The following FBLN1 variants were observed in gnomAD, a reference collection of about 807,000 sequenced individuals.
FBLN1 encodes the protein fibulin-1.
A neutral mutation model predicts 89.7 loss-of-function variants in FBLN1; 34 were observed. That is an observed-to-expected ratio of 0.38 (90% CI 0.29 to 0.50). The LOEUF is 0.50. FBLN1 is among the 20% of genes least tolerant of loss of function. FBLN1 has a pLI of 0.92. For missense variants in FBLN1, 777 were observed against 988.1 expected (o/e 0.79, Z 2.86); for synonymous variants, 393 against 391.3 (o/e 1.00, Z -0.05).
intron 16 of FBLN1, among the ~76,000 whole-genome samples, chr22:45,589,035 C>A (rs1388483234): frequency 1.3e-5 from 2 of 150,010 alleles, no homozygotes; most frequent in African/African-American, 2.4e-5. Context: ...TGTGGTGTGC[C>A]AGGCACTCTT....
intron 14 of FBLN1, among the ~76,000 whole-genome samples, chr22:45,554,959 C>A (rs1602205234): frequency 6.6e-6 from 1 of 151,850 alleles, no homozygotes; most frequent in South Asian, 2.1e-4. Flanking sequence ...AATCTGTGCT[C>A]ATCCTATACA....
chr22:45,567,924 G>T (rs894241573), intron 14 of FBLN1, among the ~76,000 whole-genome samples: 2 of 152,150 alleles, frequency 1.3e-5, no homozygotes, highest in African/African-American at 4.8e-5. Flanking sequence ...CCTCACTCCA[G>T]GGGCCAGAGT....
intron 14 of FBLN1, among the ~76,000 whole-genome samples, chr22:45,551,363 G>A (rs912098529): frequency 5.9e-5 from 9 of 152,268 alleles, no homozygotes; most frequent in African/African-American, 2.2e-4. Context: ...CAGGCAGCCA[G>A]CTGTTTCCGA....
chr22:45,590,788 G>T lies in FBLN1; in HGVS notation c.1973-9519G>T, dbSNP rs1393558421. ...GGCGACTCCAAGTTCCTGGCTTGGG[G>T]GTACCTGCCTGGAGAGTGAGGGGTA... On this transcript the variant is annotated intron_variant, in intron 16 of 16. Transcript: ENST00000327858. This position sits in a 1 kb window ranked among gnomAD's most constrained non-coding sequence, Gnocchi z 4.1. Among the ~76,000 whole-genome samples, 4 of 152,142 alleles carry T rather than the reference G, an allele frequency of 2.6e-5. No individual in the cohort carries two copies. The highest frequency in any genetic ancestry group is 5.9e-5 in the Non-Finnish European group (4 of 68,012).
At chr22:45,515,356 C>T (rs759154465) in intron 1 of FBLN1, among the ~76,000 whole-genome samples, 22 of 152,234 alleles carry the variant, frequency 1.4e-4, no homozygotes, top group Admixed American at 4.6e-4. Context: ...AGCCCCCAGA[C>T]AGCCCTGCTT....
intron 16 of FBLN1, among the ~76,000 whole-genome samples, chr22:45,592,156 GAGA>G (rs571715996): frequency 8.5e-5 from 13 of 152,280 alleles, no homozygotes; most frequent in African/African-American, 2.9e-4. Context: ...TTCTCCCCAG[GAGA>G]AGGAGGGCGA....
At chr22:45,505,534 CCT>C (rs2088007658) in intron 1 of FBLN1, among the ~76,000 whole-genome samples, 1 of 152,200 alleles carries the variant, frequency 6.6e-6, no homozygotes, top group Admixed American at 6.5e-5. Flanking sequence ...ATTTGCCACC[CCT>C]GTTAGGTGTG....
In FBLN1 at chr22:45,532,602, G is replaced by A. The variant is rs879021113; in HGVS notation, c.545-461G>A. ...GGCTATGCAGAAAGACCAGGTAGGA[G>A]GCTGTGGCCACAGCCAGGTGGGCAG... On this transcript the variant is annotated intron_variant, in intron 5 of 16. Transcript: ENST00000327858. This position sits in a 1 kb window ranked among gnomAD's most constrained non-coding sequence, Gnocchi z 4.2. 6.6e-6 allele frequency among the ~76,000 whole-genome samples: 1 copy of A among 152,142 alleles called. No individual in the cohort carries two copies. The highest frequency in any genetic ancestry group is 1.9e-4 in the East Asian group (1 of 5,188).
Position 45,588,139 on chromosome 22 carries a change from T to G in FBLN1, c.1972+11031T>G, listed in dbSNP as rs554922315. ...GGCTGTGCAGAGCAGGGGAGGGGAG[T>G]GGGAGGCGGGGTGCAGCATGGCGGT... On this transcript the variant is annotated intron_variant, in intron 16 of 16. Transcript: ENST00000327858. This position sits in a 1 kb window ranked among gnomAD's most constrained non-coding sequence, Gnocchi z 5.1. Among the ~76,000 whole-genome samples, 2 of 149,870 alleles carry G rather than the reference T, an allele frequency of 1.3e-5. No individual in the cohort carries two copies. Among genetic ancestry groups the G allele is most frequent in the Non-Finnish European group, 3.0e-5 (2 of 67,564 alleles).
chr22:45,553,673 A>G (rs2088735605), intron 14 of FBLN1, among the ~76,000 whole-genome samples: 1 of 152,184 alleles, frequency 6.6e-6, no homozygotes, highest in Non-Finnish European at 1.5e-5. Flanking sequence ...CTTTGTCCAG[A>G]AGGAGCCAGC....
In FBLN1 at chr22:45,575,496, AC is replaced by A. The variant is rs202033300; in HGVS notation, c.1840+848del. 6.6e-3 allele frequency among the ~76,000 whole-genome samples: 1,000 copies of A among 152,158 alleles called. 6 individuals are homozygous for A. The highest frequency in any genetic ancestry group is 0.023 in the African/African-American group (939 of 41,512). On this transcript the variant is annotated intron_variant, in intron 15 of 16. Transcript: ENST00000327858. This position sits in a 1 kb window ranked among gnomAD's most constrained non-coding sequence, Gnocchi z 6.3. ...GGCTAAAACTGGAGTTGGGCCTTCA[AC>A]CCCCAGGCTTTGGGGGAACCATCGG... is the stretch of plus-strand genomic sequence containing the variant.
At chr22:45,541,410 T>C (rs2088554846) in intron 9 of FBLN1, 38 bp downstream of exon 9, 1 of 1,613,560 alleles carries the variant, frequency 6.2e-7, no homozygotes. Context: ...TCCACTTTCC[T>C]GTCTGCTTCC....
At chr22:45,595,077 G>C (rs1308402998) in intron 16 of FBLN1, among the ~76,000 whole-genome samples, 1 of 152,194 alleles carries the variant, frequency 6.6e-6, no homozygotes, top group Admixed American at 6.5e-5. Context: ...GTCGAGGTGA[G>C]GGCAAGGAGG....
Position 45,536,840 on chromosome 22 carries a change from A to G in FBLN1, c.922+1503A>G, listed in dbSNP as rs767589140. On this transcript the variant is annotated intron_variant, in intron 8 of 16. Coordinates refer to ENST00000327858, the MANE Select transcript of FBLN1 (RefSeq NM_006486.3). The surrounding 1 kb of genome is among the most constrained non-coding windows in gnomAD (Gnocchi z 5.1). ...AAAAGAGAGAATCCCATGTGAACTT[A>G]GTATGAATTTAGGAGGCCTGGGCAA... is the stretch of plus-strand genomic sequence containing the variant. Among the ~76,000 whole-genome samples the G allele has an allele frequency of 1.3e-5, 2 of 152,124 alleles. No homozygotes were observed. Among genetic ancestry groups the G allele is most frequent in the African/African-American group, 4.8e-5 (2 of 41,424 alleles).
intron 4 of FBLN1, among the ~76,000 whole-genome samples, chr22:45,528,813 G>A (rs901126952): frequency 2.2e-4 from 33 of 152,112 alleles, no homozygotes; most frequent in African/African-American, 6.8e-4. Context: ...TCCGGTTGTC[G>A]GAGCCATTCA....
At chr22:45,571,991 T>A (rs2088956826) in intron 14 of FBLN1, among the ~76,000 whole-genome samples, 2 of 152,058 alleles carry the variant, frequency 1.3e-5, no homozygotes, top group African/African-American at 4.8e-5. Flanking sequence ...TAGCTGGTCG[T>A]GGTGGTGCCC....
intron 10 of FBLN1, among the ~76,000 whole-genome samples, 189 bp downstream of exon 10, chr22:45,542,472 C>T (rs897912533): frequency 6.6e-6 from 1 of 152,216 alleles, no homozygotes; most frequent in Non-Finnish European, 1.5e-5. Context: ...CCCAGCCAGG[C>T]GGCCACTGGC....
Position 45,574,035 on chromosome 22 carries a change from G to A in FBLN1, c.1698-476G>A, listed in dbSNP as rs1187543273. Among the ~76,000 whole-genome samples, 2 of 152,234 alleles carry A rather than the reference G, an allele frequency of 1.3e-5. No homozygotes were observed. The highest frequency in any genetic ancestry group is 4.8e-5 in the African/African-American group (2 of 41,544). The stretch of plus-strand genomic sequence containing the variant: ...AATTGACTGCCCTGTGCTGGGCACC[G>A]AGCTTGGCGCTTTCTATCTGCTCCT... On this transcript the variant is annotated intron_variant, in intron 14 of 16. Coordinates refer to ENST00000327858, the MANE Select transcript of FBLN1 (RefSeq NM_006486.3). This position sits in a 1 kb window ranked among gnomAD's most constrained non-coding sequence, Gnocchi z 4.1.
chr22:45,527,759 C>T, intron 3 of FBLN1, 88 bp from the exon 4 acceptor site: 3 of 1,399,680 alleles, frequency 2.1e-6, no homozygotes, highest in Non-Finnish European at 3.0e-6. Context: ...GGACAGGGGG[C>T]TCAGAGAGGC....
Sources: allele counts gnomAD v4.1 joint callset (sites outside exome capture counted in the v4.1 genomes callset), GRCh38; gene constraint gnomAD v4.1.1; non-coding constraint Gnocchi (gnomAD v3.1); transcripts MANE v1.5; gene names NCBI Gene and HGNC (gene_info 2026-07-23, HGNC 2026-07-21).